TENM2: variants seen among roughly 807,000 people sequenced by gnomAD.
TENM2 encodes the protein teneurin transmembrane protein 2.
A neutral mutation model predicts 245.2 loss-of-function variants in TENM2; 52 were observed. The ratio of observed to expected loss-of-function variants is 0.21; its 90% CI spans 0.17 to 0.27. TENM2 has a LOEUF of 0.27. Among genes scored for constraint, TENM2 ranks in the 10% least tolerant of loss-of-function variants. The probability of loss-of-function intolerance (pLI) is 1.00; values close to 1 mark genes in which losing one functional copy is unlikely to be tolerated. For missense variants in TENM2, 3,046 were observed against 3,666.8 expected, an observed-to-expected ratio of 0.83 and a Z score of 4.37; for synonymous variants, 1,363 against 1,438.9, an observed-to-expected ratio of 0.95 and a Z score of 1.19.
At chr5:167,538,228 CAT>C (rs956500139) in intron 2 of TENM2, among the ~76,000 whole-genome samples, 2 of 152,168 alleles carry the variant, frequency 1.3e-5, no homozygotes, top group African/African-American at 4.8e-5. Flanking sequence ...TTTGAAAACA[CAT>C]GTGTAGTTGG....
At chr5:167,169,355 T>C in the TENM2 span, among the ~76,000 whole-genome samples, 3 of 152,194 alleles carry the variant, frequency 2.0e-5, no homozygotes, top group Non-Finnish European at 4.4e-5. Context: ...GTAAAGGTTG[T>C]GCTTCATGGT....
intron 3 of TENM2, among the ~76,000 whole-genome samples, chr5:167,909,062 C>G (rs1583337182): frequency 7.0e-6 from 1 of 142,438 alleles, no homozygotes; most frequent in African/African-American, 2.6e-5. Flanking sequence ...GTTTTCTTTT[C>G]TCTCTCTTTT....
chr5:166,987,818 G>A, the TENM2 span, among the ~76,000 whole-genome samples: 2 of 152,080 alleles, frequency 1.3e-5, no homozygotes, highest in African/African-American at 4.8e-5. Flanking sequence ...TTCAAGAAGG[G>A]GTTTTGGAAA....
chr5:166,989,073 A>C, the TENM2 span, among the ~76,000 whole-genome samples: 17 of 151,746 alleles, frequency 1.1e-4, no homozygotes, highest in African/African-American at 4.1e-4. Context: ...AAAACAGATT[A>C]GATTTTTTTT....
At chr5:167,445,334 T>TAGGGAGAGAGAGAGAGAGAG (rs1380778783) in intron 2 of TENM2, among the ~76,000 whole-genome samples, 4 of 86,326 alleles carry the variant, frequency 4.6e-5, no homozygotes, top group African/African-American at 9.3e-5. Context: ...TATATATATA[T>TAGGGAGAGAGAGAGAGAGAG]ATAGAGAGAG....
At chr5:167,667,956 A>T (rs913862916) in intron 2 of TENM2, among the ~76,000 whole-genome samples, 1 of 151,980 alleles carries the variant, frequency 6.6e-6, no homozygotes. Flanking sequence ...ACAGTAAAGA[A>T]CTCTTCATTT....
At chr5:167,039,255 AC>A in the TENM2 span, among the ~76,000 whole-genome samples, 1 of 152,078 alleles carries the variant, frequency 6.6e-6, no homozygotes, top group Non-Finnish European at 1.5e-5. Flanking sequence ...GCAGACAAAG[AC>A]TGACTGGCTC....
intron 3 of TENM2, among the ~76,000 whole-genome samples, chr5:167,937,561 A>G (rs562209240): frequency 1.4e-4 from 21 of 152,256 alleles, no homozygotes; most frequent in Non-Finnish European, 2.6e-4. Context: ...CTAGCGTGAT[A>G]CTGTATTTTA....
chr5:167,421,777 G>T (rs886943303), intron 2 of TENM2, among the ~76,000 whole-genome samples: 2 of 151,984 alleles, frequency 1.3e-5, no homozygotes. Context: ...ACACTATTTT[G>T]TTGGTAGTAT....
chr5:167,705,993 T>TATA (rs1561690712), intron 2 of TENM2, among the ~76,000 whole-genome samples: 176 of 66,438 alleles, frequency 2.6e-3, no homozygotes, highest in South Asian at 7.1e-3. Context: ...ATATATATAT[T>TATA]TATTTATTTA....
At chr5:167,370,432 C>T (rs1399695280) in intron 1 of TENM2, among the ~76,000 whole-genome samples, 1 of 150,914 alleles carries the variant, frequency 6.6e-6, no homozygotes, top group Non-Finnish European at 1.5e-5. Context: ...AATTTAACGT[C>T]CAAGATATTT....
chr5:166,996,791 G>T, the TENM2 span, among the ~76,000 whole-genome samples: 1 of 152,198 alleles, frequency 6.6e-6, no homozygotes, highest in Non-Finnish European at 1.5e-5. Flanking sequence ...CAGAGGAATA[G>T]ACTGAATTTT....
chr5:167,873,623 C>T (rs994650855), intron 2 of TENM2, among the ~76,000 whole-genome samples: 1 of 152,096 alleles, frequency 6.6e-6, no homozygotes, highest in African/African-American at 2.4e-5. Context: ...ACTAGCACAG[C>T]GAGTGGCAGA....
chr5:167,049,578 TGAAAA>T, the TENM2 span, among the ~76,000 whole-genome samples: 359 of 152,326 alleles, frequency 2.4e-3, 2 homozygotes, highest in Middle Eastern at 0.014. Flanking sequence ...GAGTTTTCAG[TGAAAA>T]GAAAACAGTT....
chr5:167,740,601 C>T (rs969219084), intron 2 of TENM2, among the ~76,000 whole-genome samples: 7 of 152,114 alleles, frequency 4.6e-5, no homozygotes, highest in Non-Finnish European at 1.0e-4. Context: ...TTTTGTATCC[C>T]GCGTGCTACC....
intron 3 of TENM2, among the ~76,000 whole-genome samples, chr5:167,877,638 G>A (rs1032440698): frequency 3.9e-5 from 6 of 152,094 alleles, no homozygotes; most frequent in African/African-American, 1.4e-4. Flanking sequence ...CCTTTCTACC[G>A]CGGAACAATG....
At chr5:167,548,890 G>A (rs1740938039) in intron 2 of TENM2, among the ~76,000 whole-genome samples, 1 of 152,148 alleles carries the variant, frequency 6.6e-6, no homozygotes, top group African/African-American at 2.4e-5. Flanking sequence ...TATTGCATTA[G>A]TTGTAAAATG....
At chr5:167,922,680 T>C (rs1414330347) in intron 3 of TENM2, among the ~76,000 whole-genome samples, 1 of 152,192 alleles carries the variant, frequency 6.6e-6, no homozygotes, top group Admixed American at 6.5e-5. Context: ...TCAGTCACTC[T>C]CTTTCCACTG....
chr5:167,593,419 T>A (rs953076056), intron 2 of TENM2, among the ~76,000 whole-genome samples: 4 of 152,220 alleles, frequency 2.6e-5, no homozygotes, highest in African/African-American at 9.6e-5. Flanking sequence ...CTTGGTCATT[T>A]TCTTATGAAC....
Sources: allele counts gnomAD v4.1 joint callset (sites outside exome capture counted in the v4.1 genomes callset), GRCh38; gene constraint gnomAD v4.1.1; transcripts MANE v1.5; gene names NCBI Gene and HGNC (gene_info 2026-07-23, HGNC 2026-07-21).